The following ZFHX3 variants were observed in gnomAD, a reference collection of about 807,000 sequenced individuals.
ZFHX3 encodes zinc finger homeobox 3.
In ZFHX3, 42 loss-of-function variants were observed where a neutral mutation model predicts 279.1. That is an observed-to-expected ratio of 0.15 (90% confidence interval 0.12 to 0.19). The LOEUF (loss-of-function observed/expected upper bound fraction) is 0.19, where lower values mean the gene tolerates loss of function less well. Ranked by LOEUF, ZFHX3 falls within the 10% of genes least tolerant of loss-of-function variation. ZFHX3 has a pLI of 1.00. For synonymous variants in ZFHX3, 2,293 were observed against 1,957.8 expected, an observed-to-expected ratio of 1.17 and a Z score of -4.52; for missense variants, 4,981 against 4,754.0, an observed-to-expected ratio of 1.05 and a Z score of -1.40.
chr16:73,404,968 A>G (rs1054985901), intron 3 of ZFHX3, among the ~76,000 whole-genome samples: 6 of 152,194 alleles, frequency 3.9e-5, no homozygotes, highest in Admixed American at 1.3e-4. Flanking sequence ...ACGGAGTCAC[A>G]TCATCCTTAG....
rs201513033 is a variant in ZFHX3 at position 72,797,081 on chromosome 16, G to A, written c.5601C>T (p.Leu1867=). 3.7e-5 allele frequency: 59 copies of A among 1,614,016 alleles called. No individual in the cohort carries two copies. The African/African-American group carries it at 6.0e-4, about 16-fold the overall frequency. Residue 1867 remains leucine, a synonymous_variant, in exon 9 of 10, where the codon CTC becomes CTT. Transcript: ENST00000268489. ...TTTCGGGGTGCTGGCTTGGCTGAAG[G>A]AGGGCAGAGTGACTCTGGGCTATAG... is the stretch of plus-strand genomic sequence containing the variant. ...QLSIAQSHSA[L]LQPSQHPEKK...
intron 6 of ZFHX3, among the ~76,000 whole-genome samples, chr16:73,131,780 TTCTACCACACATTC>T (rs1966687978): frequency 6.6e-6 from 1 of 152,174 alleles, no homozygotes; most frequent in Non-Finnish European, 1.5e-5. Context: ...TGTATTCCAG[TTCTACCACACATTC>T]TATGATCTCG....
intron 4 of ZFHX3, among the ~76,000 whole-genome samples, chr16:72,889,503 A>AG (rs1376952149): frequency 6.7e-5 from 10 of 149,926 alleles, no homozygotes; most frequent in African/African-American, 9.9e-5. Context: ...AAAAAAAAAA[A>AG]AAGAAGAAGA....
chr16:72,803,801 A>G lies in ZFHX3; in HGVS notation c.3865-3672T>C, dbSNP rs148457580. ...ACCTGAGAAGTAATGAGAAGACAAA[A>G]GTTTTTCTGGTTAAGAAAATTCAAC... is the stretch of plus-strand genomic sequence containing the variant. On this transcript the variant is annotated intron_variant, in intron 7 of 9. Transcript: ENST00000268489. 3.4e-3 allele frequency among the ~76,000 whole-genome samples: 525 copies of G among 152,324 alleles called. 4 individuals are homozygous for G. The highest frequency in any genetic ancestry group is 0.012 in the African/African-American group (493 of 41,576).
chr16:73,835,881 A>C (rs540493673), intron 1 of ZFHX3, among the ~76,000 whole-genome samples: 17 of 152,302 alleles, frequency 1.1e-4, no homozygotes, highest in South Asian at 2.1e-4. Context: ...GCCTTTGACT[A>C]AATGTGCCGT....
At chr16:72,936,723 C>T (rs979545090) in intron 3 of ZFHX3, among the ~76,000 whole-genome samples, 1 of 152,128 alleles carries the variant, frequency 6.6e-6, no homozygotes, top group African/African-American at 2.4e-5. Context: ...CACAAAGGAG[C>T]TTGTAAGCCA....
chr16:73,354,679 T>C (rs992175354), intron 3 of ZFHX3, among the ~76,000 whole-genome samples: 1 of 148,998 alleles, frequency 6.7e-6, no homozygotes, highest in African/African-American at 2.6e-5. Flanking sequence ...CACAGCTGCC[T>C]GGCAGCCAGA....
intron 5 of ZFHX3, among the ~76,000 whole-genome samples, chr16:73,222,036 G>A (rs781547120): frequency 6.6e-6 from 1 of 151,906 alleles, no homozygotes. Flanking sequence ...ATAACTCAAT[G>A]ATGAACTCTT....
At chr16:72,975,116 T>G (rs1364343365) in intron 1 of ZFHX3, among the ~76,000 whole-genome samples, 1 of 152,136 alleles carries the variant, frequency 6.6e-6, no homozygotes, top group Non-Finnish European at 1.5e-5. Flanking sequence ...CACTCTGAGT[T>G]TGTTTGAAAG....
chr16:73,425,633 A>G (rs967591641), intron 3 of ZFHX3, among the ~76,000 whole-genome samples: 3 of 152,072 alleles, frequency 2.0e-5, no homozygotes, highest in Admixed American at 2.0e-4. Flanking sequence ...ACTCAAGGGT[A>G]TGGCAGATGG....
chr16:72,998,721 G>A, intron 1 of ZFHX3, among the ~76,000 whole-genome samples: 1 of 152,178 alleles, frequency 6.6e-6, no homozygotes. Flanking sequence ...CATGCTTGTA[G>A]TTCTCACTCA....
intron 2 of ZFHX3, among the ~76,000 whole-genome samples, chr16:73,668,475 AC>A (rs1368373814): frequency 2.9e-4 from 44 of 151,824 alleles, no homozygotes; most frequent in African/African-American, 1.0e-3. Flanking sequence ...CCACTGACAG[AC>A]CCCAGCGTGT....
chr16:73,024,467 C>A (rs1964422906), intron 1 of ZFHX3, among the ~76,000 whole-genome samples: 1 of 152,200 alleles, frequency 6.6e-6, no homozygotes, highest in Non-Finnish European at 1.5e-5. Flanking sequence ...CCATTGACTA[C>A]CCAAGCCCAA....
intron 2 of ZFHX3, among the ~76,000 whole-genome samples, chr16:73,547,524 C>T (rs1242165846): frequency 6.6e-6 from 1 of 152,118 alleles, no homozygotes; most frequent in Non-Finnish European, 1.5e-5. Flanking sequence ...TGCCACTTTC[C>T]TTGCTAATCC....
intron 4 of ZFHX3, among the ~76,000 whole-genome samples, chr16:72,831,533 A>G (rs1026687224): frequency 6.6e-6 from 1 of 152,248 alleles, no homozygotes; most frequent in Admixed American, 6.5e-5. Context: ...AATCAGATAT[A>G]GAGCCCCACA....
intron 2 of ZFHX3, among the ~76,000 whole-genome samples, chr16:73,656,460 A>C (rs142395056): frequency 6.6e-6 from 1 of 152,366 alleles, no homozygotes; most frequent in East Asian, 1.9e-4. Flanking sequence ...TCATCTCAAA[A>C]GGATTGAACT....
intron 4 of ZFHX3, among the ~76,000 whole-genome samples, chr16:72,867,734 A>AAG (rs1555525395): frequency 8.2e-6 from 1 of 121,704 alleles, no homozygotes; most frequent in Admixed American, 7.9e-5. Context: ...AAAAAAAAAA[A>AAG]AAGAAGAAGA....
intron 3 of ZFHX3, among the ~76,000 whole-genome samples, chr16:73,361,981 A>G (rs2016440632): frequency 6.6e-6 from 1 of 152,120 alleles, no homozygotes; most frequent in African/African-American, 2.4e-5. Context: ...CATGAACCTA[A>G]ATCAATCAGC....
chr16:73,830,839 A>G (rs1210267140), intron 1 of ZFHX3, among the ~76,000 whole-genome samples: 1 of 152,236 alleles, frequency 6.6e-6, no homozygotes, highest in African/African-American at 2.4e-5. Context: ...TCCTCTGGTC[A>G]TTCAATATGC....
Sources: allele counts gnomAD v4.1 joint callset (sites outside exome capture counted in the v4.1 genomes callset), GRCh38; gene constraint gnomAD v4.1.1; transcripts MANE v1.5; gene names NCBI Gene and HGNC (gene_info 2026-07-23, HGNC 2026-07-21).